RIMS2: variants seen among roughly 807,000 people sequenced by gnomAD.
RIMS2 encodes regulating synaptic membrane exocytosis 2.
A neutral mutation model predicts 174.4 loss-of-function variants in RIMS2; 59 were observed. The ratio of observed to expected loss-of-function variants is 0.34; its 90% CI spans 0.27 to 0.42. The LOEUF is 0.42. Among genes scored for constraint, RIMS2 ranks in the 10% least tolerant of loss-of-function variants. The pLI, the probability that RIMS2 is intolerant of heterozygous loss-of-function variation, is 1.00. For missense variants in RIMS2, 1,620 were observed against 1,666.3 expected, an observed-to-expected ratio of 0.97 and a Z score of 0.48; for synonymous variants, 606 against 572.5, an observed-to-expected ratio of 1.06 and a Z score of -0.84.
At chr8:103,684,986 A>G (rs1014103906) in intron 1 of RIMS2, among the ~76,000 whole-genome samples, 9 of 152,104 alleles carry the variant, frequency 5.9e-5, no homozygotes, top group African/African-American at 1.7e-4. Flanking sequence ...GTTTTCTTCT[A>G]GAAGTTTTAT....
chr8:103,813,389 C>CTTCTTTCTTTCTTTCTTTCTTTCT (rs201996486), intron 3 of RIMS2, among the ~76,000 whole-genome samples: 1,927 of 147,368 alleles, frequency 0.013, 30 homozygotes, highest in South Asian at 0.025. Context: ...AGAATTTACA[C>CTTCTTTCTTTCTTTCTTTCTTTCT]TTCTTTCTTT....
At chr8:103,751,430 A>C (rs1054743955) in intron 2 of RIMS2, among the ~76,000 whole-genome samples, 23 of 151,916 alleles carry the variant, frequency 1.5e-4, no homozygotes, top group African/African-American at 3.4e-4. Flanking sequence ...TCTTTATAGC[A>C]GCATGATTTA....
At chr8:103,938,052 G>C (rs897201613) in intron 13 of RIMS2, among the ~76,000 whole-genome samples, 1 of 151,910 alleles carries the variant, frequency 6.6e-6, no homozygotes, top group Non-Finnish European at 1.5e-5. Context: ...TCATCATCTT[G>C]CCCAGTCTCA....
intron 1 of RIMS2, among the ~76,000 whole-genome samples, chr8:103,662,435 C>G (rs2096612731): frequency 6.6e-6 from 1 of 152,112 alleles, no homozygotes. Context: ...GTGAAAAACA[C>G]ATATTCTTAT....
At chr8:104,234,003 C>G (rs1327259268) in intron 19 of RIMS2, among the ~76,000 whole-genome samples, 1 of 152,150 alleles carries the variant, frequency 6.6e-6, no homozygotes, top group Non-Finnish European at 1.5e-5. Context: ...CATGGCAAGG[C>G]CTGTTATTTA....
chr8:103,564,699 C>T (rs996677554), intron 1 of RIMS2, among the ~76,000 whole-genome samples: 4 of 152,310 alleles, frequency 2.6e-5, no homozygotes, highest in South Asian at 2.1e-4. Context: ...CGTTCTTCTG[C>T]CTGCTTTTAT....
At chr8:103,520,336 C>A (rs971914202) in intron 1 of RIMS2, among the ~76,000 whole-genome samples, 2 of 152,078 alleles carry the variant, frequency 1.3e-5, no homozygotes, top group African/African-American at 4.8e-5. Context: ...TACATGAAGT[C>A]TTGAGGGTTA....
At chr8:104,062,975 A>C (rs1179023625) in intron 19 of RIMS2, among the ~76,000 whole-genome samples, 1 of 152,072 alleles carries the variant, frequency 6.6e-6, no homozygotes, top group Non-Finnish European at 1.5e-5. Flanking sequence ...TTCAATTAGA[A>C]GAAAAGCCTC....
intron 19 of RIMS2, among the ~76,000 whole-genome samples, chr8:104,206,502 T>A (rs557292513): frequency 6.6e-6 from 1 of 152,296 alleles, no homozygotes; most frequent in African/African-American, 2.4e-5. Flanking sequence ...TAAAATAATA[T>A]AAAATATAAT....
chr8:103,734,069 G>A (rs1209027729), intron 2 of RIMS2, among the ~76,000 whole-genome samples: 3 of 133,188 alleles, frequency 2.3e-5, no homozygotes, highest in African/African-American at 8.7e-5. Context: ...CTGGAGTGCA[G>A]TGGTGTGATC....
At chr8:103,791,178 C>T (rs1041360846) in intron 3 of RIMS2, among the ~76,000 whole-genome samples, 8 of 152,118 alleles carry the variant, frequency 5.3e-5, no homozygotes. Context: ...GAGAGAAGGT[C>T]GGGTTACCCA....
chr8:104,233,292 C>T (rs543904825), intron 19 of RIMS2, among the ~76,000 whole-genome samples: 1 of 152,264 alleles, frequency 6.6e-6, no homozygotes, highest in Admixed American at 6.5e-5. Flanking sequence ...GTGTAGTCCT[C>T]TCATATCTCG....
intron 1 of RIMS2, among the ~76,000 whole-genome samples, chr8:103,695,324 A>G (rs1484292137): frequency 1.3e-5 from 2 of 152,208 alleles, no homozygotes; most frequent in African/African-American, 4.8e-5. Flanking sequence ...TTTTCCCTCA[A>G]CTTGCTTATG....
intron 1 of RIMS2, among the ~76,000 whole-genome samples, chr8:103,589,861 T>A (rs1286662409): frequency 6.6e-6 from 1 of 151,432 alleles, no homozygotes; most frequent in Admixed American, 6.6e-5. Flanking sequence ...TTCTCACTTA[T>A]TTGTGGGATC....
At chr8:103,961,242 C>A in intron 15 of RIMS2, 109 bp downstream of exon 17, 1 of 653,210 alleles carries the variant, frequency 1.5e-6, no homozygotes, top group South Asian at 1.9e-5. Flanking sequence ...TCTTCTCACC[C>A]TCCAAAACAG....
At chr8:103,611,266 A>G (rs186848660) in intron 1 of RIMS2, among the ~76,000 whole-genome samples, 21 of 152,100 alleles carry the variant, frequency 1.4e-4, no homozygotes, top group African/African-American at 5.1e-4. Flanking sequence ...ATGTCTTATT[A>G]TACTATGTCT....
intron 14 of RIMS2, among the ~76,000 whole-genome samples, chr8:103,952,490 C>G (rs1278895875): frequency 6.6e-6 from 1 of 152,174 alleles, no homozygotes; most frequent in Non-Finnish European, 1.5e-5. Flanking sequence ...AGACCTCTAG[C>G]AAACTCCAGC....
intron 19 of RIMS2, chr8:104,223,603 C>G: frequency 6.5e-7 from 1 of 1,527,812 alleles, no homozygotes; most frequent in South Asian, 1.2e-5. Flanking sequence ...CCCCAGCCGC[C>G]AAGACGCCGC....
At chr8:103,758,810 A>G (rs1042519490) in intron 2 of RIMS2, among the ~76,000 whole-genome samples, 7 of 152,254 alleles carry the variant, frequency 4.6e-5, no homozygotes, top group Admixed American at 1.3e-4. Context: ...CAACTTACTT[A>G]CAAATTACAA....
Sources: gnomAD v4.1 joint callset for allele counts (sites outside exome capture counted in the v4.1 genomes callset) on GRCh38, gnomAD v4.1.1 for gene constraint, MANE v1.5 for transcripts, NCBI Gene and HGNC (gene_info 2026-07-23, HGNC 2026-07-21) for gene names.